Variants in TANC1 observed in about 807,000 individuals in gnomAD.
The protein encoded by TANC1 is protein TANC1.
TANC1 carries 77 observed loss-of-function variants against 149.7 expected under a neutral mutation model. That is an observed-to-expected ratio of 0.51 (90% CI 0.43 to 0.62). TANC1 has a LOEUF of 0.62. TANC1 is among the 20% of genes least tolerant of loss of function. The probability of loss-of-function intolerance (pLI) is 0.00; values close to 1 mark genes in which losing one functional copy is unlikely to be tolerated. For synonymous variants in TANC1, 854 were observed against 925.0 expected, an observed-to-expected ratio of 0.92 and a Z score of 1.39; for missense variants, 1,985 against 2,321.8, an observed-to-expected ratio of 0.85 and a Z score of 2.98.
At chr2:159,128,402 G>T (rs1043137900) in intron 4 of TANC1, among the ~76,000 whole-genome samples, 1 of 152,222 alleles carries the variant, frequency 6.6e-6, no homozygotes, top group Non-Finnish European at 1.5e-5. Flanking sequence ...CCCTGGAGGA[G>T]AGCTGTCAGC....
At chr2:159,158,900 G>A (rs1305109169) in intron 7 of TANC1, among the ~76,000 whole-genome samples, 1 of 152,210 alleles carries the variant, frequency 6.6e-6, no homozygotes, top group Non-Finnish European at 1.5e-5. Flanking sequence ...CAAGCCCCTT[G>A]CTCTTTTCAC....
intron 1 of TANC1, among the ~76,000 whole-genome samples, chr2:158,971,613 T>A (rs1363627379): frequency 6.6e-6 from 1 of 152,200 alleles, no homozygotes; most frequent in Admixed American, 6.5e-5. Context: ...GTGTTCACTG[T>A]ACAAAGAACT....
chr2:158,995,327 T>C (rs1168346743), intron 1 of TANC1, among the ~76,000 whole-genome samples: 1 of 152,222 alleles, frequency 6.6e-6, no homozygotes, highest in Admixed American at 6.5e-5. Flanking sequence ...GTGTAATGGA[T>C]GGTTACCATG....
intron 3 of TANC1, among the ~76,000 whole-genome samples, chr2:159,078,589 C>A (rs2043931415): frequency 6.6e-6 from 1 of 152,142 alleles, no homozygotes; most frequent in Non-Finnish European, 1.5e-5. Flanking sequence ...TTCTACTAAT[C>A]TGATTAAACC....
chr2:158,998,076 T>C (rs981278159), intron 1 of TANC1, among the ~76,000 whole-genome samples: 3 of 152,154 alleles, frequency 2.0e-5, no homozygotes, highest in Admixed American at 6.5e-5. Flanking sequence ...CTGTGCAACG[T>C]AGCAAGACCC....
chr2:159,195,953 A>G (rs1400551731), intron 17 of TANC1, among the ~76,000 whole-genome samples: 1 of 152,208 alleles, frequency 6.6e-6, no homozygotes, highest in Non-Finnish European at 1.5e-5. Context: ...CAGGGCATGA[A>G]GGGCTGCCGC....
At chr2:159,109,768 G>T (rs2047541348) in intron 4 of TANC1, among the ~76,000 whole-genome samples, 2 of 152,150 alleles carry the variant, frequency 1.3e-5, no homozygotes, top group Admixed American at 6.5e-5. Context: ...CCTCTCAGTT[G>T]TCAGGCTGAC....
At chr2:159,147,309 C>T (rs904279246) in intron 5 of TANC1, among the ~76,000 whole-genome samples, 11 of 152,158 alleles carry the variant, frequency 7.2e-5, no homozygotes, top group African/African-American at 1.9e-4. Context: ...GGAGAAACTG[C>T]GGAGATCTGC....
chr2:159,083,675 A>ATT (rs2044515841), intron 3 of TANC1, among the ~76,000 whole-genome samples: 4 of 152,230 alleles, frequency 2.6e-5, no homozygotes, highest in Non-Finnish European at 5.9e-5. Flanking sequence ...CAATTTATAG[A>ATT]ATTGTTAGAG....
Position 159,172,239 on chromosome 2 carries a change from A to G in TANC1, c.1470A>G (p.Pro490=). ...LGSISAENQR[P]REDAVKYLAS... ...CTATCAGTGCTGAAAACCAGAGACC[A>G]AGAGAGGATGCAGTGAAATATCTTG... The change falls in exon 11 of 27, where the codon CCA becomes CCG. Residue 490 remains proline, a synonymous_variant. Coordinates refer to ENST00000263635, the MANE Select transcript of TANC1 (RefSeq NM_033394.3). 2 of 1,614,174 alleles carry G rather than the reference A, an allele frequency of 1.2e-6. No individual in the cohort carries two copies. Among genetic ancestry groups the G allele is most frequent in the South Asian group, 1.1e-5 (1 of 91,052 alleles).
At chr2:159,181,585 C>G (rs1420125719) in intron 14 of TANC1, among the ~76,000 whole-genome samples, 2 of 152,268 alleles carry the variant, frequency 1.3e-5, no homozygotes, top group African/African-American at 4.8e-5. Flanking sequence ...GCGTGAGCCA[C>G]TGCGCCCGGC....
chr2:159,020,692 A>G (rs1458789092), intron 2 of TANC1, among the ~76,000 whole-genome samples: 1 of 152,226 alleles, frequency 6.6e-6, no homozygotes, highest in African/African-American at 2.4e-5. Context: ...AATACAATGT[A>G]CTGGCTTTGC....
At position 159,050,282 on chromosome 2, in the gene TANC1, A is replaced by T. The variant is rs537297192; in HGVS notation, c.-15-15614A>T. Among the ~76,000 whole-genome samples the T allele has an allele frequency of 7.3e-4, 111 of 152,028 alleles. 2 individuals carry two copies. Among genetic ancestry groups the T allele is most frequent in the African/African-American group, 1.9e-3 (80 of 41,480 alleles). ...ACCACTCCCAGCTAATTAAAAAAAA[A>T]TTTTTTTTGTAGAAACAAAGACTCA... is the stretch of plus-strand genomic sequence containing the variant. On this transcript the variant is annotated intron_variant, in intron 2 of 26. Coordinates refer to ENST00000263635, the MANE Select transcript of TANC1 (RefSeq NM_033394.3).
At chr2:159,225,384 A>G (rs2059960644) in intron 23 of TANC1, 1 of 383,578 alleles carries the variant, frequency 2.6e-6, no homozygotes, top group South Asian at 2.3e-5. Context: ...AGGTTATGCT[A>G]AGGCCTCATT....
chr2:158,999,228 A>G (rs901908538), intron 1 of TANC1, among the ~76,000 whole-genome samples: 5 of 152,150 alleles, frequency 3.3e-5, no homozygotes, highest in African/African-American at 9.7e-5. Context: ...TGGGCCCCCG[A>G]GGTACCATCT....
At chr2:159,031,660 C>T (rs2039790626) in intron 2 of TANC1, among the ~76,000 whole-genome samples, 1 of 151,960 alleles carries the variant, frequency 6.6e-6, no homozygotes, top group Non-Finnish European at 1.5e-5. Context: ...TATTACTTAT[C>T]GAGAAATAAA....
At chr2:159,089,457 T>C (rs1018899565) in intron 3 of TANC1, among the ~76,000 whole-genome samples, 96 of 152,234 alleles carry the variant, frequency 6.3e-4, no homozygotes, top group African/African-American at 2.2e-3. Flanking sequence ...CCCCCTCTTC[T>C]CTTTACTTCT....
At chr2:159,166,852 G>A (rs551019816) in intron 8 of TANC1, among the ~76,000 whole-genome samples, 1 of 152,332 alleles carries the variant, frequency 6.6e-6, no homozygotes, top group East Asian at 1.9e-4. Context: ...TGGCCCTGCT[G>A]CAGCTTTCAG....
chr2:159,176,969 G>A lies in TANC1; in HGVS notation c.1902+451G>A, dbSNP rs554268937. Among the ~76,000 whole-genome samples the A allele has an allele frequency of 2.1e-5, 3 of 141,760 alleles. No individual in the cohort carries two copies. The South Asian group carries it at 7.0e-4, about 33-fold the overall frequency. The allele number at this position is 141,760 out of a possible 152,430, so 93.0% of individuals were successfully genotyped here. On this transcript the variant is annotated intron_variant, in intron 13 of 26. Coordinates refer to ENST00000263635, the MANE Select transcript of TANC1 (RefSeq NM_033394.3). ...CTGTCACCCAGGATGGAGTGCAGTG[G>A]CATGATCTCGGCTCAATGCAGCCTC...
Sources: allele counts gnomAD v4.1 joint callset (sites outside exome capture counted in the v4.1 genomes callset), GRCh38; gene constraint gnomAD v4.1.1; transcripts MANE v1.5; gene names NCBI Gene and HGNC (gene_info 2026-07-23, HGNC 2026-07-21).